Variants in PALLD observed in about 807,000 individuals in gnomAD.
PALLD encodes palladin.
A neutral mutation model predicts 123.5 loss-of-function variants in PALLD; 61 were observed. That is an observed-to-expected ratio of 0.49 (90% CI 0.40 to 0.61). PALLD has a LOEUF of 0.61. Ranked by LOEUF, PALLD falls within the 20% of genes least tolerant of loss-of-function variation. The pLI, the probability that PALLD is intolerant of heterozygous loss-of-function variation, is 0.00. For synonymous variants in PALLD, 465 were observed against 496.4 expected, an observed-to-expected ratio of 0.94 and a Z score of 0.84; for missense variants, 1,273 against 1,377.0, an observed-to-expected ratio of 0.92 and a Z score of 1.20.
At chr4:168,826,666 AAAATT>A (rs986163171) in intron 10 of PALLD, among the ~76,000 whole-genome samples, 5 of 152,210 alleles carry the variant, frequency 3.3e-5, no homozygotes, top group African/African-American at 1.2e-4. Flanking sequence ...TTGCAAAAAC[AAAATT>A]AAAAGGCAAA....
At chr4:168,724,167 CATTTGTGT>C (rs1009045053) in intron 10 of PALLD, among the ~76,000 whole-genome samples, 1 of 152,120 alleles carries the variant, frequency 6.6e-6, no homozygotes, top group Non-Finnish European at 1.5e-5. Context: ...CCCAATTCCT[CATTTGTGT>C]ATTTTAAAAT....
At chr4:168,913,863 A>G in intron 15 of PALLD, 64 bp from the exon 16 acceptor site, 1 of 1,044,626 alleles carries the variant, frequency 9.6e-7, no homozygotes, top group South Asian at 1.3e-5. Flanking sequence ...GACAGTAGGC[A>G]TGATAGTGCT....
intron 10 of PALLD, among the ~76,000 whole-genome samples, chr4:168,739,065 A>T (rs554251550): frequency 6.6e-6 from 1 of 152,210 alleles, no homozygotes; most frequent in East Asian, 1.9e-4. Context: ...TTACACAATG[A>T]TCTCCCATTC....
intron 10 of PALLD, among the ~76,000 whole-genome samples, chr4:168,752,626 G>A (rs111860371): frequency 1.1e-4 from 17 of 151,944 alleles, no homozygotes; most frequent in Admixed American, 1.1e-3. Flanking sequence ...TCCTTTTTAC[G>A]TTTTTTATTC....
At chr4:168,631,481 A>G (rs563534135) in intron 2 of PALLD, 7 of 451,354 alleles carry the variant, frequency 1.6e-5, no homozygotes, top group Non-Finnish European at 2.1e-5. Flanking sequence ...CCTAAGTGCG[A>G]TAAGAGCATG....
At position 168,581,849 on chromosome 4, in the gene PALLD, GT is replaced by G. The variant is rs954041801; in HGVS notation, c.908+69446del. The stretch of plus-strand genomic sequence containing the variant: ...AAATCATTGCCTAACCAATGTCAAG[GT>G]TTTTTTTTATGTTGTCTTCTAGTAG... On this transcript the variant is annotated intron_variant, in intron 2 of 21. Coordinates refer to ENST00000505667, the MANE Select transcript of PALLD (RefSeq NM_001166108.2). Among the ~76,000 whole-genome samples, 32 of 151,188 alleles carry G rather than the reference GT, an allele frequency of 2.1e-4. No individual in the cohort carries two copies. In the South Asian group the frequency reaches 2.7e-3, roughly 13 times the overall value.
chr4:168,631,470 T>C (rs1775795371), intron 2 of PALLD: 1 of 389,582 alleles, frequency 2.6e-6, no homozygotes, highest in Non-Finnish European at 3.5e-6. Context: ...GCAAAAGCCG[T>C]CCTAAGTGCG....
At chr4:168,893,123 T>G (rs1176142067) in intron 11 of PALLD, among the ~76,000 whole-genome samples, 1 of 152,158 alleles carries the variant, frequency 6.6e-6, no homozygotes, top group East Asian at 1.9e-4. Context: ...AGATATGAAA[T>G]TGATATTTCT....
chr4:168,588,323 C>A (rs903840586), intron 2 of PALLD, among the ~76,000 whole-genome samples: 14 of 152,074 alleles, frequency 9.2e-5, no homozygotes, highest in African/African-American at 3.4e-4. Flanking sequence ...GAGAGGAGCA[C>A]CTTAAAGAAG....
chr4:168,695,359 G>A (rs531065735), intron 8 of PALLD, among the ~76,000 whole-genome samples: 21 of 152,264 alleles, frequency 1.4e-4, no homozygotes, highest in South Asian at 8.3e-4. Flanking sequence ...ACAAAAGTAG[G>A]CCATATGAAA....
rs907951890 is a variant in PALLD at position 168,650,531 on chromosome 4, A to G, written c.909-17659A>G. On this transcript the variant is annotated intron_variant, in intron 2 of 21. Transcript: ENST00000505667. Reference sequence around the variant, plus strand: ...TCCTTTGTGAAAAGTGCTGAAATGAACATTCTTGTCTTTCCTGTGTCTTTG... The same window carrying G: ...TCCTTTGTGAAAAGTGCTGAAATGAGCATTCTTGTCTTTCCTGTGTCTTTG... 4.6e-5 allele frequency among the ~76,000 whole-genome samples: 7 copies of G among 152,236 alleles called. 1 individual carries two copies. The highest frequency in any genetic ancestry group is 1.7e-4 in the African/African-American group (7 of 41,456).
At chr4:168,685,448 T>A (rs752670352) in intron 5 of PALLD, 37 bp from the exon 6 acceptor site, 1 of 1,337,482 alleles carries the variant, frequency 7.5e-7, no homozygotes, top group South Asian at 1.2e-5. Flanking sequence ...GCAATTTATA[T>A]ATTTAGAATT....
intron 10 of PALLD, among the ~76,000 whole-genome samples, chr4:168,803,085 A>G (rs1003226843): frequency 6.6e-6 from 1 of 152,182 alleles, no homozygotes; most frequent in Admixed American, 6.5e-5. Flanking sequence ...TGAATCTCAA[A>G]TGTATTAGTC....
chr4:168,848,150 T>A (rs1747168089), intron 10 of PALLD, among the ~76,000 whole-genome samples: 2 of 113,158 alleles, frequency 1.8e-5, no homozygotes, highest in Non-Finnish European at 3.7e-5. Context: ...CCTACCCCCG[T>A]CCCACCCCAC....
chr4:168,609,480 C>T (rs1561301531), intron 2 of PALLD, among the ~76,000 whole-genome samples: 1 of 152,088 alleles, frequency 6.6e-6, no homozygotes, highest in African/African-American at 2.4e-5. Context: ...GCATTGATCC[C>T]TCAGTCCCTG....
At chr4:168,609,810 G>A (rs188933091) in intron 2 of PALLD, among the ~76,000 whole-genome samples, 4 of 152,318 alleles carry the variant, frequency 2.6e-5, no homozygotes, top group African/African-American at 9.6e-5. Context: ...CTCTGTTACT[G>A]TTCCTTCAAA....
chr4:168,860,552 A>C (rs1749311196), intron 10 of PALLD, among the ~76,000 whole-genome samples: 1 of 152,226 alleles, frequency 6.6e-6, no homozygotes, highest in Non-Finnish European at 1.5e-5. Context: ...AGCCAGGCGC[A>C]GTGGCTACTG....
intron 2 of PALLD, among the ~76,000 whole-genome samples, chr4:168,649,304 T>G (rs762696964): frequency 4.6e-5 from 7 of 152,242 alleles, no homozygotes; most frequent in Non-Finnish European, 8.8e-5. Flanking sequence ...TACTTAAGTT[T>G]ATAAAACAAT....
chr4:168,629,474 C>T (rs914054257), intron 2 of PALLD, among the ~76,000 whole-genome samples: 4 of 152,148 alleles, frequency 2.6e-5, no homozygotes, highest in African/African-American at 9.7e-5. Flanking sequence ...GACTGTGGTG[C>T]ATGTACTTTT....
Sources: allele counts gnomAD v4.1 joint callset (sites outside exome capture counted in the v4.1 genomes callset), GRCh38; gene constraint gnomAD v4.1.1; transcripts MANE v1.5; gene names NCBI Gene and HGNC (gene_info 2026-07-23, HGNC 2026-07-21).